The following RBFOX1 variants were observed in gnomAD, a reference collection of about 807,000 sequenced individuals.
RBFOX1 encodes the protein RNA binding fox-1 homolog 1.
RBFOX1 carries 8 observed loss-of-function variants against 57.7 expected under a neutral mutation model. That is an observed-to-expected ratio of 0.14 (90% CI 0.08 to 0.25). The LOEUF is 0.25. RBFOX1 is among the 10% of genes least tolerant of loss of function. The pLI is 1.00. For missense variants in RBFOX1, 611 were observed against 548.5 expected (o/e 1.11, Z -1.14); for synonymous variants, 326 against 222.4 (o/e 1.47, Z -4.15).
intron 1 of RBFOX1, among the ~76,000 whole-genome samples, chr16:6,285,189 G>A (rs191132398): frequency 1.3e-5 from 2 of 152,246 alleles, no homozygotes; most frequent in East Asian, 3.9e-4. Context: ...AGAAAAGGGG[G>A]TCCCGTTAAT....
intron 3 of RBFOX1, among the ~76,000 whole-genome samples, chr16:6,735,881 G>A (rs1453353762): frequency 6.6e-6 from 1 of 151,900 alleles, no homozygotes; most frequent in Non-Finnish European, 1.5e-5. Context: ...GAGACCTCTG[G>A]AAATAAGCAG....
rs537391126 is a variant in RBFOX1 at position 6,758,162 on chromosome 16, C to G, written c.-16+103512C>G. Among the ~76,000 whole-genome samples the G allele has an allele frequency of 5.9e-5, 9 of 152,212 alleles. No homozygotes were observed. In the South Asian group the frequency reaches 1.2e-3, roughly 21 times the overall value. ...AAACTTTGTGGTCAGACTTCAGGTA[C>G]TGTCCTCTTAATGTCTTGCTGTGAG... On this transcript the variant is annotated intron_variant, in intron 3 of 15. Transcript: ENST00000550418.
intron 3 of RBFOX1, among the ~76,000 whole-genome samples, chr16:6,876,463 C>T (rs896832068): frequency 2.6e-5 from 4 of 152,098 alleles, no homozygotes; most frequent in African/African-American, 4.8e-5. Flanking sequence ...AAATCACCAC[C>T]TTGGTTTTTG....
At chr16:6,613,475 C>G (rs2098097982) in intron 2 of RBFOX1, among the ~76,000 whole-genome samples, 1 of 151,974 alleles carries the variant, frequency 6.6e-6, no homozygotes, top group Non-Finnish European at 1.5e-5. Context: ...CCGCTCCAAC[C>G]CTTAAACAGT....
At chr16:6,762,143 TCTC>T (rs2076697704) in intron 3 of RBFOX1, among the ~76,000 whole-genome samples, 1 of 152,132 alleles carries the variant, frequency 6.6e-6, no homozygotes, top group Non-Finnish European at 1.5e-5. Flanking sequence ...ACCTCTGTCT[TCTC>T]CTCTGTAAAA....
chr16:7,376,177 A>G (rs1280685532), intron 4 of RBFOX1, among the ~76,000 whole-genome samples: 2 of 152,222 alleles, frequency 1.3e-5, no homozygotes, highest in Non-Finnish European at 2.9e-5. Context: ...ATATATGTTT[A>G]TGAGCTATGT....
intron 3 of RBFOX1, among the ~76,000 whole-genome samples, chr16:6,846,446 T>G (rs1195870432): frequency 6.6e-6 from 1 of 152,138 alleles, no homozygotes; most frequent in African/African-American, 2.4e-5. Context: ...TGCACTGTGT[T>G]CTATAAGAAG....
intron 2 of RBFOX1, among the ~76,000 whole-genome samples, chr16:6,571,850 TTTGA>T (rs144412801): frequency 0.026 from 3,902 of 152,304 alleles, 172 homozygotes; most frequent in African/African-American, 0.09. Context: ...TCATGAGTGG[TTTGA>T]TTGAGGATGA....
intron 2 of RBFOX1, among the ~76,000 whole-genome samples, chr16:6,625,811 A>C (rs2098297327): frequency 6.6e-6 from 1 of 152,222 alleles, no homozygotes; most frequent in African/African-American, 2.4e-5. Flanking sequence ...GATGATTATC[A>C]GCTAATTTAA....
intron 11 of RBFOX1, among the ~76,000 whole-genome samples, chr16:7,647,243 T>A (rs1334243476): frequency 1.3e-5 from 2 of 152,202 alleles, no homozygotes; most frequent in Admixed American, 1.3e-4. Context: ...GAAATTCTCA[T>A]GTGTCAACAA....
intron 4 of RBFOX1, among the ~76,000 whole-genome samples, chr16:7,377,996 A>T (rs1001876620): frequency 6.6e-6 from 1 of 152,194 alleles, no homozygotes; most frequent in African/African-American, 2.4e-5. Context: ...GGGGAACAGA[A>T]TGTGCAAAGT....
chr16:7,375,716 T>G (rs1232141419), intron 4 of RBFOX1, among the ~76,000 whole-genome samples: 2 of 152,178 alleles, frequency 1.3e-5, no homozygotes, highest in Non-Finnish European at 2.9e-5. Context: ...GCACCTTGCC[T>G]ATAAATAAAT....
chr16:6,214,666 AGAGAGGGAGAAGGG>A (rs2097321677), intron 1 of RBFOX1, among the ~76,000 whole-genome samples: 1 of 79,932 alleles, frequency 1.3e-5, no homozygotes, highest in Non-Finnish European at 2.5e-5. Flanking sequence ...AGGGAGAAGG[AGAGAGGGAGAAGGG>A]GAGAGGGAGA....
intron 3 of RBFOX1, among the ~76,000 whole-genome samples, chr16:6,877,204 A>C (rs74719259): frequency 0.011 from 1,604 of 152,328 alleles, 26 homozygotes; most frequent in African/African-American, 0.037. Flanking sequence ...TAAAAAGTGC[A>C]TTTAACATTT....
intron 9 of RBFOX1, among the ~76,000 whole-genome samples, chr16:7,601,426 C>T (rs180675109): frequency 6.6e-6 from 1 of 152,218 alleles, no homozygotes; most frequent in East Asian, 1.9e-4. Flanking sequence ...AATATTAAGT[C>T]ATCATATTAT....
chr16:7,199,493 A>T (rs1279466780), intron 4 of RBFOX1, among the ~76,000 whole-genome samples: 1 of 152,186 alleles, frequency 6.6e-6, no homozygotes, highest in Non-Finnish European at 1.5e-5. Context: ...GGAAGTTTTA[A>T]CACAGCCAAA....
chr16:5,263,423 C>G (rs1484739579), intron 1 of RBFOX1, among the ~76,000 whole-genome samples: 7 of 151,984 alleles, frequency 4.6e-5, no homozygotes, highest in Non-Finnish European at 7.4e-5. Flanking sequence ...AGGAAAGGAG[C>G]TGGGAGGGTA....
intron 3 of RBFOX1, among the ~76,000 whole-genome samples, chr16:6,917,591 G>T (rs6500874): frequency 0.26 from 39,806 of 151,654 alleles, 5,551 homozygotes; most frequent in African/African-American, 0.36. Context: ...AAGTTAGGAA[G>T]CTCTGACACC....
intron 1 of RBFOX1, among the ~76,000 whole-genome samples, chr16:5,443,042 G>T (rs959095744): frequency 1.3e-5 from 2 of 152,154 alleles, no homozygotes; most frequent in African/African-American, 4.8e-5. Context: ...ACTAGAGACT[G>T]AAAGAGGCAA....
Sources: allele counts gnomAD v4.1 joint callset (sites outside exome capture counted in the v4.1 genomes callset), GRCh38; gene constraint gnomAD v4.1.1; transcripts MANE v1.5; gene names NCBI Gene and HGNC (gene_info 2026-07-23, HGNC 2026-07-21).